Variants in PRDM10 observed in about 807,000 individuals in gnomAD.
PRDM10 encodes PR domain zinc finger protein 10.
A neutral mutation model predicts 133.1 loss-of-function variants in PRDM10; 65 were observed. The ratio of observed to expected loss-of-function variants is 0.49; its 90% CI spans 0.40 to 0.60. PRDM10 has a LOEUF of 0.60. Ranked by LOEUF, PRDM10 falls within the 20% of genes least tolerant of loss-of-function variation. PRDM10 has a pLI of 0.00. For missense variants in PRDM10, 1,137 were observed against 1,507.1 expected (o/e 0.75, Z 4.07); for synonymous variants, 582 against 580.4 (o/e 1.00, Z -0.04).
intron 7 of PRDM10, among the ~76,000 whole-genome samples, chr11:129,937,894 T>C (rs1346825421): frequency 1.3e-5 from 2 of 152,350 alleles, no homozygotes; most frequent in Admixed American, 6.5e-5. Flanking sequence ...TTTCAGAAAA[T>C]GGTTTCTGTT....
At chr11:129,972,371 C>G (rs1009721443) in intron 1 of PRDM10, among the ~76,000 whole-genome samples, 2 of 152,220 alleles carry the variant, frequency 1.3e-5, no homozygotes. Context: ...ACTGCCAGCA[C>G]GCTGTCACCT....
intron 7 of PRDM10, among the ~76,000 whole-genome samples, chr11:129,941,720 A>G (rs1029446563): frequency 1.3e-5 from 2 of 152,224 alleles, no homozygotes; most frequent in African/African-American, 4.8e-5. Flanking sequence ...ACTTTCTTAT[A>G]AAATAGGCAC....
Position 129,945,104 on chromosome 11 carries a change from G to A in PRDM10, c.521-92C>T, listed in dbSNP as rs553325875. ...ATTCTGACCCGAAAAATCCCCGTCT[G>A]CATTTTCAAGCCAAAATTCAATGAA... On this transcript the variant is annotated intron_variant, in intron 5 of 20. Transcript: ENST00000360871. The surrounding 1 kb of genome is among the most constrained non-coding windows in gnomAD (Gnocchi z 4.2). 3 of 1,493,530 alleles carry A rather than the reference G, an allele frequency of 2.0e-6. No homozygotes were observed. The highest frequency in any genetic ancestry group is 1.4e-5 in the African/African-American group (1 of 70,982). 92.5% of individuals were successfully genotyped at this position (1,493,530 alleles called of 1,614,324 possible).
chr11:129,977,609 G>A (rs936984671), intron 1 of PRDM10, among the ~76,000 whole-genome samples: 2 of 152,114 alleles, frequency 1.3e-5, no homozygotes, highest in Non-Finnish European at 2.9e-5. Flanking sequence ...CCACTAAGAA[G>A]TAAACTAAAC....
Position 129,985,484 on chromosome 11 carries a change from C to T in PRDM10, c.-119+17238G>A, listed in dbSNP as rs78723582. Among the ~76,000 whole-genome samples the T allele has an allele frequency of 3.9e-3, 590 of 152,086 alleles. 5 individuals carry two copies. The highest frequency in any genetic ancestry group is 0.013 in the African/African-American group (555 of 41,468). On this transcript the variant is annotated intron_variant, in intron 1 of 20. Coordinates refer to ENST00000360871, the MANE Select transcript of PRDM10 (RefSeq NM_199437.2). ...AACCAGTCTTTGTGAATGCAAAGAA[C>T]GCACTGTAAGTCAAATATGGTATTG...
intron 2 of PRDM10, among the ~76,000 whole-genome samples, chr11:129,959,157 A>C (rs889005154): frequency 6.6e-6 from 1 of 152,230 alleles, no homozygotes; most frequent in Non-Finnish European, 1.5e-5. Context: ...CCAAGATAAT[A>C]TAAACTAATT....
At position 129,932,236 on chromosome 11, in the gene PRDM10, G is replaced by A. The variant is rs1157919042; in HGVS notation, c.1158-5C>T. 6 of 1,613,498 alleles carry A rather than the reference G, an allele frequency of 3.7e-6. No homozygotes were observed. The highest frequency in any genetic ancestry group is 1.7e-5 in the Admixed American group (1 of 59,996). On this transcript the variant is annotated splice_polypyrimidine_tract_variant and splice_region_variant and intron_variant, in intron 9 of 20. Coordinates refer to ENST00000360871, the MANE Select transcript of PRDM10 (RefSeq NM_199437.2). Reference sequence around the variant, plus strand: ...CCCCTTCCTCTGCCTCTTGTTCTGGGGACAAGAGATTGGGTTACAGGTCGT... The same window carrying A: ...CCCCTTCCTCTGCCTCTTGTTCTGGAGACAAGAGATTGGGTTACAGGTCGT...
rs772480611 is a variant in PRDM10 at position 129,947,201 on chromosome 11, G to A, written c.464C>T (p.Thr155Met). 5.0e-6 allele frequency: 8 copies of A among 1,614,034 alleles called. No homozygotes were observed. Among genetic ancestry groups the A allele is most frequent in the African/African-American group, 2.7e-5 (2 of 74,928 alleles). ...GTCTGGCTCCCAGTCATCCAGATCC[G>A]TGTCCTCACCGTCTTCTTCCTCATC... is the stretch of plus-strand genomic sequence containing the variant. ...EEDEEEDGED[T>M]DLDDWEPDPP... Residue 155 changes from threonine to methionine, a missense_variant, in exon 5 of 21, where the codon ACG becomes ATG. By Grantham distance (81) the Thr-to-Met change is moderately conservative (BLOSUM62 -1). Around this residue, in one of 6 missense-constraint regions of PRDM10, gnomAD observed 635 missense variants for 835.2 expected, o/e 0.76. Coordinates refer to ENST00000360871, the MANE Select transcript of PRDM10 (RefSeq NM_199437.2). This position sits in a 1 kb window ranked among gnomAD's most constrained non-coding sequence, Gnocchi z 4.6.
chr11:129,924,781 G>A (rs1453971280), intron 12 of PRDM10, 101 bp downstream of exon 12: 1 of 977,070 alleles, frequency 1.0e-6, no homozygotes, highest in Non-Finnish European at 1.5e-6. Flanking sequence ...TTCAAAGAAG[G>A]GATGGAAATG....
At chr11:129,915,954 A>G (rs1294038543) in intron 15 of PRDM10, 94 bp from the exon 16 acceptor site, 35 of 1,250,868 alleles carry the variant, frequency 2.8e-5, no homozygotes, top group Non-Finnish European at 3.5e-5. Context: ...AAATGAGGAA[A>G]AGTATTCATG....
chr11:129,972,049 G>A (rs376737317), intron 1 of PRDM10, among the ~76,000 whole-genome samples: 14 of 152,356 alleles, frequency 9.2e-5, no homozygotes, highest in African/African-American at 2.2e-4. Flanking sequence ...TACACCCTCC[G>A]CAGCCACTGG....
chr11:129,984,754 C>T (rs1591694871), intron 1 of PRDM10, among the ~76,000 whole-genome samples: 1 of 152,318 alleles, frequency 6.6e-6, no homozygotes, highest in Non-Finnish European at 1.5e-5. Flanking sequence ...CTCCACAGGT[C>T]GCGCTGCTGG....
chr11:129,949,891 G>A (rs1048347210), intron 4 of PRDM10, among the ~76,000 whole-genome samples: 8 of 151,570 alleles, frequency 5.3e-5, no homozygotes, highest in African/African-American at 1.7e-4. Flanking sequence ...CTGAGATCAC[G>A]CCATTGCACT....
At chr11:129,971,508 T>C (rs545343097) in intron 1 of PRDM10, among the ~76,000 whole-genome samples, 27 of 149,962 alleles carry the variant, frequency 1.8e-4, no homozygotes, top group Admixed American at 7.3e-4. Context: ...CTCAAAAACC[T>C]TGAGCTAAAC....
chr11:129,945,922 G>A lies in PRDM10; in HGVS notation c.521-910C>T, dbSNP rs1951392143. On this transcript the variant is annotated intron_variant, in intron 5 of 20. Coordinates refer to ENST00000360871, the MANE Select transcript of PRDM10 (RefSeq NM_199437.2). The surrounding 1 kb of genome is among the most constrained non-coding windows in gnomAD (Gnocchi z 4.2). ...AGATAAAGTGATTTTCTGTGCATTT[G>A]ACTTAGGAGTTGCCTCAAAAATGTA... Among the ~76,000 whole-genome samples the A allele has an allele frequency of 6.6e-6, 1 of 152,164 alleles. No individual in the cohort carries two copies. The highest frequency in any genetic ancestry group is 2.1e-4 in the South Asian group (1 of 4,832).
At chr11:129,991,712 G>C (rs1016834117) in intron 1 of PRDM10, among the ~76,000 whole-genome samples, 1 of 152,044 alleles carries the variant, frequency 6.6e-6, no homozygotes, top group Non-Finnish European at 1.5e-5. Context: ...CCAGCTACTC[G>C]GGAGGCTGAG....
intron 1 of PRDM10, among the ~76,000 whole-genome samples, chr11:129,961,992 CA>C (rs1297352413): frequency 6.6e-6 from 1 of 152,050 alleles, no homozygotes; most frequent in Non-Finnish European, 1.5e-5. Flanking sequence ...TCAAAATGAA[CA>C]GCAGAATAAT....
At chr11:129,936,708 T>A (rs577770727) in intron 8 of PRDM10, among the ~76,000 whole-genome samples, 86 of 152,176 alleles carry the variant, frequency 5.7e-4, no homozygotes, top group East Asian at 1.9e-3. Flanking sequence ...TTGTGAATTA[T>A]CAAACCTGAG....
intron 1 of PRDM10, among the ~76,000 whole-genome samples, chr11:129,982,193 A>G (rs1346301635): frequency 2.0e-5 from 3 of 152,198 alleles, no homozygotes; most frequent in African/African-American, 7.2e-5. Context: ...TGGGAGGTCA[A>G]GGTTGCAGTG....
Sources: gnomAD v4.1 joint callset for allele counts (sites outside exome capture counted in the v4.1 genomes callset) on GRCh38, gnomAD v4.1.1 for gene constraint, gnomAD v4.1.1 regional missense constraint, Gnocchi (gnomAD v3.1) non-coding constraint, MANE v1.5 for transcripts, NCBI Gene and HGNC (gene_info 2026-07-23, HGNC 2026-07-21) for gene names.